The following XRCC4 variants were observed in gnomAD, a reference collection of about 807,000 sequenced individuals.
XRCC4 encodes X-ray repair cross complementing 4.
XRCC4 carries 28 observed loss-of-function variants against 39.1 expected under a neutral mutation model. That is an observed-to-expected ratio of 0.72 (90% CI 0.53 to 0.98). The LOEUF is 0.98. Among genes scored for constraint, XRCC4 ranks in the 50% least tolerant of loss-of-function variants. The probability of loss-of-function intolerance (pLI) is 0.00; values close to 1 mark genes in which losing one functional copy is unlikely to be tolerated. For synonymous variants in XRCC4, 123 were observed against 126.4 expected (o/e 0.97, Z 0.18); for missense variants, 350 against 376.4 (o/e 0.93, Z 0.58).
chr5:83,354,644 GC>G (rs1299428197), downstream of XRCC4, among the ~76,000 whole-genome samples: 43 of 152,024 alleles, frequency 2.8e-4, 1 homozygote, highest in Non-Finnish European at 5.7e-4. Context: ...AGATGTTTTA[GC>G]ATATCCAAAG....
At chr5:83,188,531 A>T (rs1416097638) in intron 3 of XRCC4, among the ~76,000 whole-genome samples, 1 of 152,094 alleles carries the variant, frequency 6.6e-6, no homozygotes, top group Non-Finnish European at 1.5e-5. Flanking sequence ...TAAAGAAAAG[A>T]GGTTTAATTG....
At chr5:83,321,394 C>T (rs1756068551) in intron 7 of XRCC4, among the ~76,000 whole-genome samples, 1 of 152,106 alleles carries the variant, frequency 6.6e-6, no homozygotes, top group South Asian at 2.1e-4. Context: ...AATGATGTAG[C>T]AGAATACATC....
intron 6 of XRCC4, among the ~76,000 whole-genome samples, chr5:83,257,740 A>T (rs1443596681): frequency 6.6e-6 from 1 of 152,210 alleles, no homozygotes. Context: ...ATGCACATGT[A>T]TGTTTATTGC....
At chr5:83,205,064 A>G (rs1351043412) in intron 6 of XRCC4, 143 bp downstream of exon 6, 2 of 569,430 alleles carry the variant, frequency 3.5e-6, no homozygotes, top group Non-Finnish European at 6.0e-6. Context: ...AAAAACTCAA[A>G]TTTTTAATGT....
chr5:83,111,723 TGC>T (rs1388909338), intron 3 of XRCC4, among the ~76,000 whole-genome samples: 1 of 152,120 alleles, frequency 6.6e-6, no homozygotes, highest in Non-Finnish European at 1.5e-5. Flanking sequence ...GCCTAAGCTT[TGC>T]AAACAAGAGT....
chr5:83,225,942 G>A (rs1156679916), intron 6 of XRCC4, among the ~76,000 whole-genome samples: 1 of 152,008 alleles, frequency 6.6e-6, no homozygotes, highest in East Asian at 1.9e-4. Flanking sequence ...TGCTCTCAGA[G>A]CTAGTAGGTT....
At chr5:83,248,005 G>A (rs1166886180) in intron 6 of XRCC4, among the ~76,000 whole-genome samples, 1 of 152,134 alleles carries the variant, frequency 6.6e-6, no homozygotes, top group Non-Finnish European at 1.5e-5. Context: ...GGGCACAGAG[G>A]AGACTTTGGA....
intron 3 of XRCC4, among the ~76,000 whole-genome samples, chr5:83,156,405 G>A (rs1379148748): frequency 1.3e-5 from 2 of 151,636 alleles, no homozygotes; most frequent in Admixed American, 1.3e-4. Flanking sequence ...TGGATATAAT[G>A]AGTTTTGAAG....
chr5:83,275,456 G>A (rs1184886676), intron 7 of XRCC4, among the ~76,000 whole-genome samples: 3 of 151,658 alleles, frequency 2.0e-5, no homozygotes, highest in Non-Finnish European at 4.4e-5. Flanking sequence ...CACTACGCCC[G>A]GCTAATTTTT....
chr5:83,160,843 T>G (rs921179837), intron 3 of XRCC4, among the ~76,000 whole-genome samples: 7 of 152,000 alleles, frequency 4.6e-5, no homozygotes, highest in African/African-American at 1.7e-4. Context: ...TTTTCACACT[T>G]AAGGAAGAGA....
At position 83,353,127 on chromosome 5, in the gene XRCC4, C is replaced by G. The variant is rs1328777964; in HGVS notation, c.894-4C>G. ...AACTATTTTGATTTTCTTTTCAGTT[C>G]TAGGCCTGATTCTTCACTACCTGAG... On this transcript the variant is annotated splice_polypyrimidine_tract_variant and splice_region_variant and intron_variant, in intron 7 of 7. Coordinates refer to ENST00000396027, the MANE Select transcript of XRCC4 (RefSeq NM_003401.5). 5.6e-6 allele frequency: 9 copies of G among 1,594,770 alleles called. No individual in the cohort carries two copies. The highest frequency in any genetic ancestry group is 2.3e-5 in the South Asian group (2 of 87,394).
chr5:83,232,961 T>A (rs1343275162), intron 6 of XRCC4, among the ~76,000 whole-genome samples: 1 of 152,196 alleles, frequency 6.6e-6, no homozygotes, highest in African/African-American at 2.4e-5. Flanking sequence ...AACCCATTTA[T>A]GACTGACAAA....
chr5:83,122,438 A>T (rs1284983686), intron 3 of XRCC4, among the ~76,000 whole-genome samples: 3 of 152,100 alleles, frequency 2.0e-5, no homozygotes, highest in African/African-American at 7.2e-5. Flanking sequence ...GAAGGCAGGG[A>T]TGTTGCTAAG....
chr5:83,250,116 G>C (rs1406203233), intron 6 of XRCC4, among the ~76,000 whole-genome samples: 1 of 152,096 alleles, frequency 6.6e-6, no homozygotes, highest in Non-Finnish European at 1.5e-5. Context: ...GAAGCTTTGT[G>C]TTGGCTCCAA....
chr5:83,091,114 T>A (rs1323246296), intron 1 of XRCC4, among the ~76,000 whole-genome samples: 1 of 152,182 alleles, frequency 6.6e-6, no homozygotes, highest in Non-Finnish European at 1.5e-5. Flanking sequence ...TTATTTCTCA[T>A]ATATAACTGA....
At chr5:83,285,268 T>C (rs1376259215) in intron 7 of XRCC4, among the ~76,000 whole-genome samples, 2 of 152,170 alleles carry the variant, frequency 1.3e-5, no homozygotes, top group South Asian at 2.1e-4. Context: ...ACTGTTAAGA[T>C]TGGTTATCTC....
chr5:83,197,866 C>A (rs548004990), intron 4 of XRCC4, among the ~76,000 whole-genome samples: 1 of 152,102 alleles, frequency 6.6e-6, no homozygotes, highest in Non-Finnish European at 1.5e-5. Context: ...ATTCTAGTCT[C>A]TTTATTGTAT....
intron 7 of XRCC4, among the ~76,000 whole-genome samples, chr5:83,342,738 GT>G (rs28360329): frequency 1.2e-3 from 190 of 152,208 alleles, no homozygotes; most frequent in African/African-American, 4.5e-3. Flanking sequence ...GATGGTTTTG[GT>G]TTTTATAAGG....
chr5:83,230,390 A>G (rs1031504921), intron 6 of XRCC4, among the ~76,000 whole-genome samples: 7 of 152,040 alleles, frequency 4.6e-5, no homozygotes, highest in African/African-American at 1.2e-4. Context: ...GTGAAAGAAA[A>G]TTAGGCTTTG....
Sources: allele counts gnomAD v4.1 joint callset (sites outside exome capture counted in the v4.1 genomes callset), GRCh38; gene constraint gnomAD v4.1.1; transcripts MANE v1.5; gene names NCBI Gene and HGNC (gene_info 2026-07-23, HGNC 2026-07-21).